TAF4B: variants seen among roughly 807,000 people sequenced by gnomAD.
TAF4B encodes transcription initiation factor TFIID subunit 4B.
TAF4B carries 38 observed loss-of-function variants against 86.4 expected under a neutral mutation model. The ratio of observed to expected loss-of-function variants is 0.44; its 90% CI spans 0.34 to 0.58. TAF4B has a LOEUF of 0.58. Ranked by LOEUF, TAF4B falls within the 20% of genes least tolerant of loss-of-function variation. TAF4B has a pLI of 0.02. For synonymous variants in TAF4B, 388 were observed against 391.2 expected, an observed-to-expected ratio of 0.99 and a Z score of 0.10; for missense variants, 988 against 1,027.6, an observed-to-expected ratio of 0.96 and a Z score of 0.53.
chr18:26,282,485 A>G (rs753626375), intron 6 of TAF4B, among the ~76,000 whole-genome samples: 38 of 152,352 alleles, frequency 2.5e-4, no homozygotes, highest in Non-Finnish European at 4.7e-4. Context: ...ACAATTACAT[A>G]TGCTAATTAA....
chr18:26,350,333 A>AT (rs1255836761), intron 13 of TAF4B, among the ~76,000 whole-genome samples: 16 of 152,260 alleles, frequency 1.1e-4, no homozygotes, highest in Admixed American at 1.0e-3. Context: ...TATCCAGAAT[A>AT]TACAAATAGG....
In TAF4B at chr18:26,286,221, G is replaced by C. The variant is rs74947492; in HGVS notation, c.1312G>C (p.Val438Leu). 0.094 allele frequency: 151,502 copies of C among 1,614,152 alleles called. 7,857 individuals are homozygous for C. The highest frequency in any genetic ancestry group is 0.1 in the Non-Finnish European group (122,804 of 1,180,010). ...TTTGCTTCAGACTTCAAAACCACTT[G>C]TGACATCTGTGGCAAACACAGTGAC... ...TGLLQTSKPL[V>L]TSVANTVTTV... The change falls in exon 7 of 15, where the codon GTG becomes CTG. Residue 438 changes from valine (V) to leucine (L), a missense_variant. By Grantham distance (32) the Val-to-Leu change is conservative. Coordinates refer to ENST00000269142, the MANE Select transcript of TAF4B (RefSeq NM_005640.3).
At chr18:26,349,568 G>A (rs1447282160) in intron 13 of TAF4B, among the ~76,000 whole-genome samples, 1 of 152,154 alleles carries the variant, frequency 6.6e-6, no homozygotes, top group Admixed American at 6.5e-5. Context: ...ACAAGCAAAT[G>A]TACAAACATC....
chr18:26,298,556 A>G (rs1238345820), intron 9 of TAF4B, among the ~76,000 whole-genome samples: 1 of 149,262 alleles, frequency 6.7e-6, no homozygotes, highest in Non-Finnish European at 1.5e-5. Flanking sequence ...TTTAAGAAAC[A>G]AGGTCTTGCT....
At chr18:26,294,258 C>T (rs2056633672) in intron 9 of TAF4B, among the ~76,000 whole-genome samples, 1 of 152,026 alleles carries the variant, frequency 6.6e-6, no homozygotes, top group Non-Finnish European at 1.5e-5. Context: ...GTTCTAGTTC[C>T]TGTCCAACTT....
intron 3 of TAF4B, among the ~76,000 whole-genome samples, chr18:26,267,910 G>A (rs573627922): frequency 1.4e-4 from 22 of 152,232 alleles, no homozygotes; most frequent in Middle Eastern, 3.4e-3. Context: ...ATAAAATTTG[G>A]GATATGTAGG....
At chr18:26,371,076 A>AG (rs146023678) in intron 14 of TAF4B, among the ~76,000 whole-genome samples, 2,224 of 152,272 alleles carry the variant, frequency 0.015, 42 homozygotes, top group African/African-American at 0.051. Flanking sequence ...ATTTATGTTT[A>AG]GGTCATTTAT....
intron 1 of TAF4B, among the ~76,000 whole-genome samples, chr18:26,235,154 C>G (rs2055730125): frequency 6.6e-6 from 1 of 152,060 alleles, no homozygotes; most frequent in Admixed American, 6.5e-5. Flanking sequence ...GTACTAGGGC[C>G]TGCTTTAAGG....
At chr18:26,284,564 A>G (rs555140646) in intron 6 of TAF4B, among the ~76,000 whole-genome samples, 6 of 152,324 alleles carry the variant, frequency 3.9e-5, no homozygotes, top group Admixed American at 2.6e-4. Flanking sequence ...GTAGGATACA[A>G]AGATAGATGC....
chr18:26,286,053 G>A lies in TAF4B; in HGVS notation c.1144G>A (p.Val382Ile). 6.2e-7 allele frequency: 1 copy of A among 1,614,174 alleles called. No homozygotes were observed. Among genetic ancestry groups the A allele is most frequent in the Non-Finnish European group, 8.5e-7 (1 of 1,180,042 alleles). ...AAGCCAGTCTGAAAAGTCAATTATT[G>A]TTTCTGGAGCAACAGCACCCAGAAC... ...SSSQSEKSII[V>I]SGATAPRTVS... The change falls in exon 7 of 15, where the codon GTT becomes ATT. Residue 382 changes from valine to isoleucine, a missense_variant. Physicochemically the swap from Val to Ile is conservative, Grantham distance 29 (BLOSUM62 3). This residue lies in a region of TAF4B where 747 missense variants were observed against 737.9 expected (regional missense o/e 1.01). Coordinates refer to ENST00000269142, the MANE Select transcript of TAF4B (RefSeq NM_005640.3).
intron 12 of TAF4B, among the ~76,000 whole-genome samples, chr18:26,330,741 T>G (rs2057043509): frequency 6.6e-6 from 1 of 152,198 alleles, no homozygotes; most frequent in African/African-American, 2.4e-5. Flanking sequence ...TCAGAGTTCC[T>G]TCTACCCTTA....
intron 11 of TAF4B, 83 bp from the exon 12 acceptor site, chr18:26,326,932 C>G (rs2057009168): frequency 3.6e-6 from 5 of 1,403,878 alleles, no homozygotes; most frequent in Non-Finnish European, 3.8e-6. Flanking sequence ...GTATTCCTGC[C>G]TTTAGCAGGT....
intron 14 of TAF4B, among the ~76,000 whole-genome samples, chr18:26,372,253 C>T (rs1362105938): frequency 6.6e-6 from 1 of 152,190 alleles, no homozygotes; most frequent in Admixed American, 6.5e-5. Context: ...ATTGCAGAGC[C>T]ACCATAAAGG....
At chr18:26,301,292 G>T (rs1316197563) in intron 9 of TAF4B, among the ~76,000 whole-genome samples, 38 of 143,366 alleles carry the variant, frequency 2.7e-4, no homozygotes, top group Admixed American at 7.7e-4. Flanking sequence ...TGTTGTTGTT[G>T]TTTTTTTTTT....
rs757411166 is a variant in TAF4B, at chr18:26,391,363, A to G, written c.*1351A>G. The G allele has an allele frequency of 2.1e-5, 2 of 95,156 alleles. No homozygotes were observed. Among genetic ancestry groups the G allele is most frequent in the African/African-American group, 1.0e-4 (1 of 9,622 alleles). 5.9% of individuals were successfully genotyped at this position (95,156 alleles called of 1,614,324 possible). On this transcript the variant is annotated 3_prime_UTR_variant, in exon 15 of 15. Transcript: ENST00000269142. ...ATGCTATACTTATAAGAATTGAAGG[A>G]AAAAAAAAAAAACACCTCACGTATG...
At chr18:26,253,173 G>GA (rs145279120) in intron 1 of TAF4B, among the ~76,000 whole-genome samples, 6,651 of 152,266 alleles carry the variant, frequency 0.044, 200 homozygotes, top group Non-Finnish European at 0.061. Context: ...ATCCTTGGGA[G>GA]AAATTCAGAC....
chr18:26,362,393 G>A (rs1451411365), intron 14 of TAF4B, among the ~76,000 whole-genome samples: 3 of 152,052 alleles, frequency 2.0e-5, no homozygotes, highest in Non-Finnish European at 4.4e-5. Flanking sequence ...AGCATTAATG[G>A]CCCATAGTGA....
At position 26,286,447 on chromosome 18, in the gene TAF4B, C is replaced by A. The variant is rs776291240; in HGVS notation, c.1538C>A (p.Pro513His). The change falls in exon 7 of 15, where the codon CCT becomes CAT. Residue 513 changes from proline to histidine, a missense_variant. This residue lies in a region of TAF4B where 747 missense variants were observed against 737.9 expected (regional missense o/e 1.01). Coordinates refer to ENST00000269142, the MANE Select transcript of TAF4B (RefSeq NM_005640.3). ...PVQIKLAQPG[P>H]VLSQPAGIPQ... ...CAAATCAAACTTGCCCAGCCGGGCC[C>A]TGTCCTTTCACAACCAGCTGGGATT... The A allele has an allele frequency of 1.2e-6, 2 of 1,614,020 alleles. No homozygotes were observed. The highest frequency in any genetic ancestry group is 2.7e-5 in the African/African-American group (2 of 75,050).
rs777929270 is a variant in TAF4B at position 26,227,057 on chromosome 18, C to T, written c.124C>T (p.Leu42=). The T allele has an allele frequency of 5.7e-6, 9 of 1,590,666 alleles. No homozygotes were observed. The African/African-American group carries it at 9.5e-5, about 17-fold the overall frequency. ...GCGGGTGGAGAGCACTCCGGTGGCC[C>T]TGGGCGCCGTGACTAAGGCTCCTGT... is the stretch of plus-strand genomic sequence containing the variant. ...PVRVESTPVA[L]GAVTKAPVSV... The change falls in exon 1 of 15, where the codon CTG becomes TTG. Residue 42 remains leucine, a synonymous_variant. Coordinates refer to ENST00000269142, the MANE Select transcript of TAF4B (RefSeq NM_005640.3).
Sources: gnomAD v4.1 joint callset for allele counts (sites outside exome capture counted in the v4.1 genomes callset) on GRCh38, gnomAD v4.1.1 for gene constraint, gnomAD v4.1.1 regional missense constraint, MANE v1.5 for transcripts, NCBI Gene and HGNC (gene_info 2026-07-23, HGNC 2026-07-21) for gene names.